Variants in PBX3 observed in about 807,000 individuals in gnomAD.
PBX3 encodes pre-B-cell leukemia transcription factor 3.
A neutral mutation model predicts 48.5 loss-of-function variants in PBX3; 14 were observed. The observed-to-expected ratio is 0.29, with a 90% CI of 0.19 to 0.45. The LOEUF (loss-of-function observed/expected upper bound fraction) is 0.45, where lower values mean the gene tolerates loss of function less well. Ranked by LOEUF, PBX3 falls within the 20% of genes least tolerant of loss-of-function variation. The pLI, the probability that PBX3 is intolerant of heterozygous loss-of-function variation, is 1.00. For missense variants in PBX3, 386 were observed against 546.7 expected (o/e 0.71, Z 2.93); for synonymous variants, 210 against 200.3 (o/e 1.05, Z -0.41).
chr9:125,860,215 A>G (rs1056692054), intron 2 of PBX3, among the ~76,000 whole-genome samples: 1 of 152,196 alleles, frequency 6.6e-6, no homozygotes, highest in Non-Finnish European at 1.5e-5. Context: ...AAGTAAAGCA[A>G]CTTCTGGATG....
intron 5 of PBX3, among the ~76,000 whole-genome samples, chr9:125,947,570 A>T (rs182546872): frequency 8.3e-4 from 126 of 152,246 alleles, no homozygotes; most frequent in African/African-American, 2.8e-3. Context: ...AATTTTTTTT[A>T]AAATAAGCAG....
At position 125,918,344 on chromosome 9, in the gene PBX3, C is replaced by T. The variant is rs1281184147; in HGVS notation, c.516+2417C>T. Among the ~76,000 whole-genome samples the T allele has an allele frequency of 2.0e-5, 3 of 152,164 alleles. No individual in the cohort carries two copies. The East Asian group carries it at 5.8e-4, about 29-fold the overall frequency. On this transcript the variant is annotated intron_variant, in intron 3 of 8. Coordinates refer to ENST00000373489, the MANE Select transcript of PBX3 (RefSeq NM_006195.6). ...AGATTTTATGTAACTTTAGCCCCAG[C>T]TTATACCAGCATCAAATCACCAGGG... is the stretch of plus-strand genomic sequence containing the variant.
At chr9:125,796,915 T>A (rs1327107809) in intron 2 of PBX3, among the ~76,000 whole-genome samples, 1 of 152,134 alleles carries the variant, frequency 6.6e-6, no homozygotes, top group East Asian at 1.9e-4. Flanking sequence ...TATATTTAGA[T>A]TTATCATATT....
chr9:125,820,497 A>G (rs1838619202), intron 2 of PBX3, among the ~76,000 whole-genome samples: 1 of 152,264 alleles, frequency 6.6e-6, no homozygotes, highest in Non-Finnish European at 1.5e-5. Context: ...TACTGGCACC[A>G]TGGTGCACAG....
At chr9:125,889,064 A>ACT (rs1305518385) in intron 2 of PBX3, among the ~76,000 whole-genome samples, 1 of 152,220 alleles carries the variant, frequency 6.6e-6, no homozygotes, top group Non-Finnish European at 1.5e-5. Context: ...GTGACCACGT[A>ACT]TTACAATAAA....
chr9:125,823,210 A>G (rs1330662929), intron 2 of PBX3, among the ~76,000 whole-genome samples: 1 of 152,180 alleles, frequency 6.6e-6, no homozygotes, highest in Non-Finnish European at 1.5e-5. Context: ...AATGCTGACC[A>G]TTGCTGTTGA....
chr9:125,800,987 A>G (rs543642257), intron 2 of PBX3, among the ~76,000 whole-genome samples: 2 of 152,206 alleles, frequency 1.3e-5, no homozygotes, highest in Admixed American at 6.5e-5. Flanking sequence ...TCCTGACGTC[A>G]GGTGATCCTC....
chr9:125,851,113 G>A (rs1279870385), intron 2 of PBX3, among the ~76,000 whole-genome samples: 1 of 152,042 alleles, frequency 6.6e-6, no homozygotes, highest in Admixed American at 6.6e-5. Context: ...AGTGAGTGGA[G>A]CTATTAGATA....
At chr9:125,957,192 A>T (rs764102416) in intron 5 of PBX3, among the ~76,000 whole-genome samples, 5 of 152,170 alleles carry the variant, frequency 3.3e-5, no homozygotes. Flanking sequence ...ATTCATTTAG[A>T]TGTGGTTATG....
chr9:125,811,279 G>A (rs577069747), intron 2 of PBX3, among the ~76,000 whole-genome samples: 9 of 152,266 alleles, frequency 5.9e-5, no homozygotes, highest in South Asian at 2.1e-4. Context: ...AATAATAAAC[G>A]TTTGTTTCTC....
Position 125,963,047 on chromosome 9 carries a change from A to G in PBX3, c.1158A>G (p.Gly386=). Residue 386 remains glycine, a synonymous_variant, in exon 8 of 9, where the codon GGA becomes GGG. Coordinates refer to ENST00000373489, the MANE Select transcript of PBX3 (RefSeq NM_006195.6). ...TCCGTCATGTTATCAATCAGACGGG[A>G]GGCTACAGTGATGGCCTTGGAGGAA... ...DTLRHVINQT[G]GYSDGLGGNS... is the part of the protein sequence containing the mutation. 1 of 1,610,614 alleles carries G rather than the reference A, an allele frequency of 6.2e-7. No individual in the cohort carries two copies.
At chr9:125,929,244 G>A (rs890426403) in intron 3 of PBX3, among the ~76,000 whole-genome samples, 2 of 152,188 alleles carry the variant, frequency 1.3e-5, no homozygotes, top group African/African-American at 2.4e-5. Context: ...TTATAGCACT[G>A]GCAAGAGTTT....
In PBX3 at chr9:125,747,509, A is replaced by G; in HGVS notation, c.56A>G (p.His19Arg). ...QTLAGVNLAGHSVQGGMALPP... is the reference protein window; with the variant it reads ...QTLAGVNLAGRSVQGGMALPP... ...CTGGCCGGGGTGAACCTGGCTGGCCACTCGGTGCAGGGGGGCATGGCCCTG... is the reference window on the plus strand; with the variant it reads ...CTGGCCGGGGTGAACCTGGCTGGCCGCTCGGTGCAGGGGGGCATGGCCCTG... Residue 19 changes from histidine (H) to arginine (R), a missense_variant, in exon 1 of 9, where the codon CAC becomes CGC. This residue lies in a region of PBX3 where 116 missense variants were observed against 98.2 expected (regional missense o/e 1.18). Transcript: ENST00000373489. The G allele has an allele frequency of 6.3e-7, 1 of 1,586,932 alleles. No homozygotes were observed. Among genetic ancestry groups the G allele is most frequent in the Non-Finnish European group, 8.6e-7 (1 of 1,168,250 alleles).
At chr9:125,756,800 G>C (rs1015937099) in intron 2 of PBX3, among the ~76,000 whole-genome samples, 1 of 152,186 alleles carries the variant, frequency 6.6e-6, no homozygotes, top group Non-Finnish European at 1.5e-5. Flanking sequence ...ACATTTCGCT[G>C]TGAAGACGAC....
intron 5 of PBX3, among the ~76,000 whole-genome samples, chr9:125,938,917 G>T (rs79984151): frequency 0.024 from 3,605 of 151,958 alleles, 144 homozygotes; most frequent in African/African-American, 0.084. Context: ...TAGGGGTAAA[G>T]GACCATGATG....
At chr9:125,847,303 A>G (rs1026765872) in intron 2 of PBX3, among the ~76,000 whole-genome samples, 1 of 151,920 alleles carries the variant, frequency 6.6e-6, no homozygotes, top group African/African-American at 2.4e-5. Context: ...TATATCTACT[A>G]CTTAGTTACT....
At chr9:125,867,834 A>G (rs1212887395) in intron 2 of PBX3, among the ~76,000 whole-genome samples, 2 of 151,822 alleles carry the variant, frequency 1.3e-5, no homozygotes, top group African/African-American at 4.8e-5. Context: ...ACATATATAT[A>G]TACACACACA....
At chr9:125,951,483 A>G (rs1239558873) in intron 5 of PBX3, among the ~76,000 whole-genome samples, 3 of 152,106 alleles carry the variant, frequency 2.0e-5, no homozygotes, top group Admixed American at 2.0e-4. Context: ...CTCCTGGGAA[A>G]AGGGGTCCTG....
At chr9:125,920,749 A>G (rs2132483751) in intron 3 of PBX3, among the ~76,000 whole-genome samples, 1 of 152,316 alleles carries the variant, frequency 6.6e-6, no homozygotes, top group South Asian at 2.1e-4. Flanking sequence ...CGCAGATGTC[A>G]TTTGAACTCA....
Sources: allele counts gnomAD v4.1 joint callset (sites outside exome capture counted in the v4.1 genomes callset), GRCh38; gene constraint gnomAD v4.1.1; regional missense constraint gnomAD v4.1.1; transcripts MANE v1.5; gene names NCBI Gene and HGNC (gene_info 2026-07-23, HGNC 2026-07-21).